Variants in DPF3 observed in about 807,000 individuals in gnomAD.
DPF3 encodes zinc finger protein DPF3.
DPF3 carries 18 observed loss-of-function variants against 56.8 expected under a neutral mutation model. The ratio of observed to expected loss-of-function variants is 0.32; its 90% confidence interval spans 0.22 to 0.47. The LOEUF is 0.47. Among genes scored for constraint, DPF3 ranks in the 20% least tolerant of loss-of-function variants. DPF3 has a pLI of 1.00. For synonymous variants in DPF3, 188 were observed against 180.2 expected (o/e 1.04, Z -0.35); for missense variants, 403 against 488.8 (o/e 0.82, Z 1.65).
intron 1 of DPF3, chr14:72,879,888 A>T: frequency 6.5e-7 from 1 of 1,531,392 alleles, no homozygotes; most frequent in South Asian, 1.2e-5. Flanking sequence ...AGATGTTCAC[A>T]TCTATATGCG....
chr14:72,744,551 CTG>C (rs1890251771), intron 3 of DPF3, among the ~76,000 whole-genome samples: 2 of 152,164 alleles, frequency 1.3e-5, no homozygotes, highest in Non-Finnish European at 2.9e-5. Context: ...CTTCGGGGGA[CTG>C]AATCAGAAAA....
intron 8 of DPF3, among the ~76,000 whole-genome samples, chr14:72,636,759 A>C (rs190455437): frequency 4.3e-4 from 65 of 152,320 alleles, no homozygotes; most frequent in African/African-American, 1.5e-3. Context: ...CTAATGCTGA[A>C]GACACCTGCA....
chr14:72,638,270 AGGC>A (rs16455), intron 8 of DPF3, among the ~76,000 whole-genome samples: 76,673 of 151,834 alleles, frequency 0.5, 20,025 homozygotes, highest in East Asian at 0.77. Context: ...TGTGAAGGTC[AGGC>A]GGCTGAATCA....
chr14:72,787,657 C>T (rs550403074), intron 1 of DPF3, among the ~76,000 whole-genome samples: 21 of 152,176 alleles, frequency 1.4e-4, no homozygotes, highest in Non-Finnish European at 2.8e-4. Flanking sequence ...TTTTCCCTCT[C>T]AAAAGCGCCC....
chr14:72,831,822 G>A (rs1195507155), intron 1 of DPF3, among the ~76,000 whole-genome samples: 2 of 152,004 alleles, frequency 1.3e-5, no homozygotes. Flanking sequence ...GAAAACAAAT[G>A]TAGCAAAATG....
At chr14:72,624,943 T>C (rs1884734938) in intron 9 of DPF3, among the ~76,000 whole-genome samples, 1 of 152,240 alleles carries the variant, frequency 6.6e-6, no homozygotes, top group African/African-American at 2.4e-5. Context: ...TTATTACTTG[T>C]AATGTTATCT....
At chr14:72,749,996 G>A (rs1298718515) in intron 3 of DPF3, among the ~76,000 whole-genome samples, 1 of 152,174 alleles carries the variant, frequency 6.6e-6, no homozygotes, top group Non-Finnish European at 1.5e-5. Context: ...ACTGGTACAT[G>A]AGCCAACTTT....
At chr14:72,718,184 C>A (rs1232741927) in intron 5 of DPF3, among the ~76,000 whole-genome samples, 2 of 152,112 alleles carry the variant, frequency 1.3e-5, no homozygotes, top group East Asian at 3.9e-4. Context: ...ATGCTAAGTC[C>A]CTGCCATGTT....
At chr14:72,693,306 T>C in intron 6 of DPF3, 93 bp from the exon 7 acceptor site, 1 of 1,419,010 alleles carries the variant, frequency 7.0e-7, no homozygotes, top group Non-Finnish European at 9.6e-7. Flanking sequence ...ATCCCATCCA[T>C]CCACCCCAGA....
At chr14:72,673,474 T>G (rs1886778260) in intron 8 of DPF3, among the ~76,000 whole-genome samples, 1 of 152,192 alleles carries the variant, frequency 6.6e-6, no homozygotes, top group African/African-American at 2.4e-5. Flanking sequence ...CAACCAACCA[T>G]GGCCAGCCAA....
At chr14:72,812,216 G>A (rs770445779) in intron 1 of DPF3, among the ~76,000 whole-genome samples, 30 of 152,100 alleles carry the variant, frequency 2.0e-4, no homozygotes, top group Non-Finnish European at 3.5e-4. Flanking sequence ...CACCAGCCCC[G>A]CTTACCTTTT....
chr14:72,884,334 T>A (rs1179616620), intron 1 of DPF3, among the ~76,000 whole-genome samples: 2 of 152,206 alleles, frequency 1.3e-5, no homozygotes, highest in Non-Finnish European at 2.9e-5. Context: ...AATGATTAGA[T>A]GTGATGGGTA....
intron 1 of DPF3, among the ~76,000 whole-genome samples, chr14:72,810,904 T>G (rs987549156): frequency 6.6e-6 from 1 of 152,206 alleles, no homozygotes; most frequent in African/African-American, 2.4e-5. Flanking sequence ...TCCATTTGTA[T>G]TACTATAAAG....
intron 1 of DPF3, among the ~76,000 whole-genome samples, chr14:72,835,506 A>G (rs1164826622): frequency 1.3e-5 from 2 of 152,222 alleles, no homozygotes; most frequent in African/African-American, 4.8e-5. Context: ...CTCAACAGAA[A>G]AATTCAATCA....
intron 7 of DPF3, among the ~76,000 whole-genome samples, chr14:72,678,304 T>C (rs1887003049): frequency 2.0e-5 from 3 of 152,224 alleles, no homozygotes; most frequent in African/African-American, 7.2e-5. Flanking sequence ...TAAATCTCTT[T>C]AGAGTCAACC....
intron 7 of DPF3, among the ~76,000 whole-genome samples, chr14:72,679,605 C>A (rs1262967944): frequency 6.6e-6 from 1 of 152,240 alleles, no homozygotes; most frequent in South Asian, 2.1e-4. Context: ...TTGTTCCCCC[C>A]GCCACCCTCC....
chr14:72,802,090 T>C (rs1227823473), intron 1 of DPF3, among the ~76,000 whole-genome samples: 3 of 152,166 alleles, frequency 2.0e-5, no homozygotes, highest in African/African-American at 7.2e-5. Flanking sequence ...AGTGGCACCA[T>C]GTGAGTGACA....
At chr14:72,622,498 A>C (rs1304925775) in intron 9 of DPF3, among the ~76,000 whole-genome samples, 1 of 152,216 alleles carries the variant, frequency 6.6e-6, no homozygotes, top group Non-Finnish European at 1.5e-5. Context: ...CAGTGTTATT[A>C]ATGCCTTAAA....
At chr14:72,817,494 C>G (rs1431537935) in intron 1 of DPF3, among the ~76,000 whole-genome samples, 1 of 152,026 alleles carries the variant, frequency 6.6e-6, no homozygotes, top group Non-Finnish European at 1.5e-5. Flanking sequence ...AACCCCGTCT[C>G]AACTAAAAAA....
Sources: allele counts gnomAD v4.1 joint callset (sites outside exome capture counted in the v4.1 genomes callset), GRCh38; gene constraint gnomAD v4.1.1; transcripts MANE v1.5; gene names NCBI Gene and HGNC (gene_info 2026-07-23, HGNC 2026-07-21).